Variants in GALNT17 observed in about 807,000 individuals in gnomAD.
GALNT17 encodes polypeptide N-acetylgalactosaminyltransferase 17, also known as UDP-GalNAc:polypeptide N-acetylgalactosaminyltransferase-like 3.
GALNT17 carries 29 observed loss-of-function variants against 63.7 expected under a neutral mutation model. That is an observed-to-expected ratio of 0.46 (90% CI 0.34 to 0.62). GALNT17 has a LOEUF of 0.62. GALNT17 is among the 20% of genes least tolerant of loss of function. The pLI is 0.01. For missense variants in GALNT17, 603 were observed against 799.6 expected (o/e 0.75, Z 2.97); for synonymous variants, 305 against 318.3 (o/e 0.96, Z 0.45).
At chr7:71,665,742 G>A (rs1790975846) in intron 7 of GALNT17, 146 bp downstream of exon 7, 5 of 941,976 alleles carry the variant, frequency 5.3e-6, no homozygotes, top group East Asian at 2.7e-5. Flanking sequence ...ATTCACAGAT[G>A]TCTCAGCTTT....
At chr7:71,154,118 T>C (rs1788185436) in intron 1 of GALNT17, among the ~76,000 whole-genome samples, 1 of 152,066 alleles carries the variant, frequency 6.6e-6, no homozygotes, top group African/African-American at 2.4e-5. Flanking sequence ...TGAGGGAGCC[T>C]CTGCCTGAGG....
intron 1 of GALNT17, among the ~76,000 whole-genome samples, chr7:71,328,110 A>G (rs1791735419): frequency 6.6e-6 from 1 of 152,140 alleles, no homozygotes; most frequent in African/African-American, 2.4e-5. Context: ...GATATTTGAT[A>G]TGGTTGCAGT....
At chr7:71,311,029 A>G (rs1791406392) in intron 1 of GALNT17, among the ~76,000 whole-genome samples, 1 of 152,238 alleles carries the variant, frequency 6.6e-6, no homozygotes, top group South Asian at 2.1e-4. Flanking sequence ...TCAAATCTGA[A>G]GAGGAATGGC....
intron 6 of GALNT17, among the ~76,000 whole-genome samples, chr7:71,607,397 C>G (rs1790062692): frequency 6.6e-6 from 1 of 152,086 alleles, no homozygotes. Context: ...ACAATAAAGT[C>G]GTAAGAGTTT....
chr7:71,213,821 A>G (rs908268033), intron 1 of GALNT17, among the ~76,000 whole-genome samples: 3 of 152,090 alleles, frequency 2.0e-5, no homozygotes, highest in Non-Finnish European at 2.9e-5. Context: ...CCATTCCTCA[A>G]TGCCTAATGC....
At chr7:71,176,429 A>G (rs1788639994) in intron 1 of GALNT17, among the ~76,000 whole-genome samples, 1 of 152,132 alleles carries the variant, frequency 6.6e-6, no homozygotes, top group South Asian at 2.1e-4. Flanking sequence ...GAAAGAGCAA[A>G]AAATCTGACC....
At chr7:71,371,222 G>A (rs911127216) in intron 2 of GALNT17, among the ~76,000 whole-genome samples, 1 of 152,056 alleles carries the variant, frequency 6.6e-6, no homozygotes, top group African/African-American at 2.4e-5. Context: ...CTTTGATTTT[G>A]CAATATGATT....
intron 1 of GALNT17, among the ~76,000 whole-genome samples, chr7:71,167,045 CTTTTTTTTTT>C (rs35735311): frequency 1.8e-4 from 21 of 115,486 alleles, no homozygotes; most frequent in African/African-American, 6.2e-4. Context: ...TGGCTAAGTA[CTTTTTTTTTT>C]TTTTTTTTTT....
chr7:71,486,432 T>C (rs933463289), intron 5 of GALNT17, among the ~76,000 whole-genome samples: 9 of 150,936 alleles, frequency 6.0e-5, no homozygotes, highest in Admixed American at 4.0e-4. Flanking sequence ...TCATTTGCAG[T>C]GACAGATTCT....
At chr7:71,384,145 T>C (rs931995197) in intron 2 of GALNT17, among the ~76,000 whole-genome samples, 1 of 152,170 alleles carries the variant, frequency 6.6e-6, no homozygotes, top group African/African-American at 2.4e-5. Context: ...TTTTTGTTTT[T>C]TGTTTTAACA....
intron 1 of GALNT17, among the ~76,000 whole-genome samples, chr7:71,294,177 TCTTTG>T (rs1231330972): frequency 6.6e-6 from 1 of 151,322 alleles, no homozygotes; most frequent in African/African-American, 2.4e-5. Context: ...AAAAAAAAAT[TCTTTG>T]TCTTTGACTT....
At chr7:71,244,073 T>C (rs1790051399) in intron 1 of GALNT17, among the ~76,000 whole-genome samples, 1 of 151,786 alleles carries the variant, frequency 6.6e-6, no homozygotes, top group South Asian at 2.1e-4. Context: ...AGGAAGGGAG[T>C]GACTAGAGCA....
intron 9 of GALNT17, among the ~76,000 whole-genome samples, chr7:71,683,516 C>T (rs962650455): frequency 9.2e-5 from 14 of 152,134 alleles, no homozygotes; most frequent in African/African-American, 3.1e-4. Context: ...TATTATCAAA[C>T]AGCAATTAAA....
intron 5 of GALNT17, among the ~76,000 whole-genome samples, chr7:71,537,177 G>A (rs1232021015): frequency 6.6e-6 from 1 of 152,096 alleles, no homozygotes; most frequent in Non-Finnish European, 1.5e-5. Context: ...TCCATCCATC[G>A]ATTTTGTTTC....
intron 1 of GALNT17, among the ~76,000 whole-genome samples, chr7:71,243,797 A>C (rs1226077660): frequency 6.6e-6 from 1 of 152,184 alleles, no homozygotes; most frequent in Non-Finnish European, 1.5e-5. Context: ...ATGAGAAAAA[A>C]CAACGGCCAA....
At chr7:71,585,150 T>C (rs1789696722) in intron 6 of GALNT17, among the ~76,000 whole-genome samples, 1 of 152,244 alleles carries the variant, frequency 6.6e-6, no homozygotes, top group South Asian at 2.1e-4. Context: ...TTTCCTTTCT[T>C]TCTTTTTGGC....
chr7:71,510,177 C>T (rs1320589716), intron 5 of GALNT17, among the ~76,000 whole-genome samples: 1 of 152,124 alleles, frequency 6.6e-6, no homozygotes, highest in African/African-American at 2.4e-5. Context: ...AAACTCCTGG[C>T]CTCAAGTGAT....
At chr7:71,184,576 C>T (rs974375065) in intron 1 of GALNT17, among the ~76,000 whole-genome samples, 6 of 152,202 alleles carry the variant, frequency 3.9e-5, no homozygotes, top group Non-Finnish European at 5.9e-5. Flanking sequence ...GAAACTGCCC[C>T]GCTGACTGAA....
chr7:71,524,114 C>T (rs561980589), intron 5 of GALNT17, among the ~76,000 whole-genome samples: 16 of 149,888 alleles, frequency 1.1e-4, no homozygotes, highest in African/African-American at 3.7e-4. Context: ...GAGAATGTGT[C>T]TCAAAGAAAA....
Sources: allele counts gnomAD v4.1 joint callset (sites outside exome capture counted in the v4.1 genomes callset), GRCh38; gene constraint gnomAD v4.1.1; transcripts MANE v1.5; gene names NCBI Gene and HGNC (gene_info 2026-07-23, HGNC 2026-07-21).